PPP2R2B: variants seen among roughly 807,000 people sequenced by gnomAD.
The protein encoded by PPP2R2B is serine/threonine-protein phosphatase 2A 55 kDa regulatory subunit B beta isoform.
PPP2R2B carries 5 observed loss-of-function variants against 46.0 expected under a neutral mutation model. The observed-to-expected ratio is 0.11, with a 90% confidence interval of 0.06 to 0.23. The LOEUF is 0.23. Ranked by LOEUF, PPP2R2B falls within the 10% of genes least tolerant of loss-of-function variation. The pLI is 1.00. For synonymous variants in PPP2R2B, 215 were observed against 206.7 expected (o/e 1.04, Z -0.34); for missense variants, 367 against 575.0 (o/e 0.64, Z 3.70).
chr5:147,050,113 G>T (rs1756734022), intron 1 of PPP2R2B, among the ~76,000 whole-genome samples: 1 of 152,176 alleles, frequency 6.6e-6, no homozygotes, highest in African/African-American at 2.4e-5. Flanking sequence ...TAAAGTGGAG[G>T]CTTGGCCTTA....
At chr5:146,976,108 TTTATTA>T (rs143212984) in intron 1 of PPP2R2B, among the ~76,000 whole-genome samples, 6,621 of 130,496 alleles carry the variant, frequency 0.051, 253 homozygotes, top group East Asian at 0.2. Flanking sequence ...TTTTAAAAAA[TTTATTA>T]TTATTATTAT....
chr5:146,811,758 G>T (rs1332567055), intron 2 of PPP2R2B, among the ~76,000 whole-genome samples: 1 of 145,382 alleles, frequency 6.9e-6, no homozygotes, highest in African/African-American at 2.6e-5. Context: ...CAGTAGAGAC[G>T]GGGTTTCACC....
chr5:146,741,432 TG>T (rs1752870576), intron 2 of PPP2R2B, among the ~76,000 whole-genome samples: 2 of 152,212 alleles, frequency 1.3e-5, no homozygotes, highest in African/African-American at 2.4e-5. Flanking sequence ...CTGACAGTGC[TG>T]CATATTCATA....
intron 2 of PPP2R2B, among the ~76,000 whole-genome samples, chr5:146,794,532 G>A (rs931647443): frequency 6.6e-6 from 1 of 152,170 alleles, no homozygotes; most frequent in African/African-American, 2.4e-5. Context: ...GGGTTGCTAT[G>A]AATGCCCACT....
intron 1 of PPP2R2B, among the ~76,000 whole-genome samples, chr5:146,906,525 T>C (rs1763003201): frequency 6.6e-6 from 1 of 152,204 alleles, no homozygotes; most frequent in African/African-American, 2.4e-5. Context: ...TTTCTACATA[T>C]TGGTCAGACT....
Position 146,878,409 on chromosome 5 carries a change from G to A in PPP2R2B, c.-125+182C>T. On this transcript the variant is annotated intron_variant, in intron 1 of 9. Coordinates refer to ENST00000394411, the MANE Select transcript of PPP2R2B (RefSeq NM_181675.4). This position sits in a 1 kb window ranked among gnomAD's most constrained non-coding sequence, Gnocchi z 4.5. ...CCGAGGGGTCTGGTCCCGCCCGCCC[G>A]CCCCGGAGGCGCTCACAAGCGGGTC... 1.0e-6 allele frequency: 1 copy of A among 973,714 alleles called. No individual in the cohort carries two copies. 60.3% of individuals were successfully genotyped at this position (973,714 alleles called of 1,614,324 possible).
At chr5:146,888,715 C>T (rs1056361922) in intron 1 of PPP2R2B, among the ~76,000 whole-genome samples, 2 of 152,074 alleles carry the variant, frequency 1.3e-5, no homozygotes, top group African/African-American at 2.4e-5. Flanking sequence ...ATTTCACCTC[C>T]CCTCCCACCA....
Position 146,698,748 on chromosome 5 carries a change from CTTT to C in PPP2R2B, c.169-607_169-605del, listed in dbSNP as rs3217532. Among the ~76,000 whole-genome samples the C allele has an allele frequency of 4.9e-5, 7 of 143,158 alleles. No individual in the cohort carries two copies. In the South Asian group the frequency reaches 1.1e-3, roughly 23 times the overall value. The allele number at this position is 143,158 out of a possible 152,430, so 93.9% of individuals were successfully genotyped here. A position where few individuals can be genotyped will look rare whatever the true frequency, so the allele number is the denominator to read the frequency against. On this transcript the variant is annotated intron_variant, in intron 3 of 9. Transcript: ENST00000394411. ...TTGGGCATCAGATATGCCCCTGCTC[CTTT>C]TTTTTTTTTTTCTTTCCAACATGAG...
chr5:146,953,058 A>G (rs1411198455), intron 1 of PPP2R2B, among the ~76,000 whole-genome samples: 1 of 152,202 alleles, frequency 6.6e-6, no homozygotes, highest in African/African-American at 2.4e-5. Context: ...CTGGCTTCAC[A>G]AGCCAAAAGC....
At chr5:146,762,485 A>C (rs980364420) in intron 2 of PPP2R2B, among the ~76,000 whole-genome samples, 2 of 152,228 alleles carry the variant, frequency 1.3e-5, no homozygotes, top group Admixed American at 1.3e-4. Context: ...TACTCTTTCT[A>C]TTCAAGGTGC....
chr5:146,752,083 G>A lies in PPP2R2B; in HGVS notation c.71-50941C>T, dbSNP rs72813707. On this transcript the variant is annotated intron_variant, in intron 2 of 9. Transcript: ENST00000394411. Reference sequence around the variant, plus strand: ...ATTTGACTTACAGAGAACAGATGGTGGATAGAAATCTGTTACAAGTTTATT... The same window carrying A: ...ATTTGACTTACAGAGAACAGATGGTAGATAGAAATCTGTTACAAGTTTATT... Among the ~76,000 whole-genome samples, 913 of 152,180 alleles carry A rather than the reference G, an allele frequency of 6.0e-3. 9 individuals carry two copies. Among genetic ancestry groups the A allele is most frequent in the South Asian group, 0.034 (161 of 4,798 alleles).
chr5:146,723,459 G>A (rs979877227), intron 2 of PPP2R2B, among the ~76,000 whole-genome samples: 12 of 152,116 alleles, frequency 7.9e-5, no homozygotes, highest in African/African-American at 2.4e-4. Flanking sequence ...AAAATCTTAC[G>A]GAGTCCTAAA....
chr5:146,749,147 A>C (rs1176753707), intron 2 of PPP2R2B, among the ~76,000 whole-genome samples: 1 of 152,172 alleles, frequency 6.6e-6, no homozygotes, highest in Non-Finnish European at 1.5e-5. Flanking sequence ...GCATTTCCTT[A>C]ATGGCTGATA....
chr5:147,012,885 C>T (rs935088680), intron 1 of PPP2R2B, among the ~76,000 whole-genome samples: 22 of 152,184 alleles, frequency 1.4e-4, no homozygotes, highest in African/African-American at 4.6e-4. Flanking sequence ...TGCAGTTGAG[C>T]GGTTTTGAGT....
chr5:146,938,617 T>C (rs1282316151), intron 1 of PPP2R2B, among the ~76,000 whole-genome samples: 2 of 152,172 alleles, frequency 1.3e-5, no homozygotes, highest in Non-Finnish European at 2.9e-5. Context: ...TTACATTTCA[T>C]GTTTACATAG....
At chr5:146,641,493 G>A (rs1334245908) in intron 6 of PPP2R2B, among the ~76,000 whole-genome samples, 2 of 129,424 alleles carry the variant, frequency 1.5e-5, no homozygotes, top group East Asian at 2.3e-4. Flanking sequence ...GAATTTTTAT[G>A]TGCTCTAAGA....
rs536799528 is a variant in PPP2R2B at position 146,999,956 on chromosome 5, C to A, written c.79+55709G>T. Among the ~76,000 whole-genome samples, 5 of 152,280 alleles carry A rather than the reference C, an allele frequency of 3.3e-5. No homozygotes were observed. In the East Asian group the frequency reaches 9.7e-4, roughly 29 times the overall value. ...TGTTCAAATACAGATTGCTGGGCTC[C>A]ACCCTCAGCCTCTGATGGATGAGGA... On this transcript the variant is annotated intron_variant, in intron 1 of 8. Transcript: ENST00000336640.
intron 7 of PPP2R2B, among the ~76,000 whole-genome samples, chr5:146,632,061 G>GCCCCCCCCCCCCC (rs58956274): frequency 9.6e-6 from 1 of 103,998 alleles, no homozygotes; most frequent in Non-Finnish European, 2.0e-5. Flanking sequence ...GCTGAGTTGT[G>GCCCCCCCCCCCCC]CCCCCCCCCC....
intron 1 of PPP2R2B, among the ~76,000 whole-genome samples, chr5:146,971,560 A>G (rs1482787707): frequency 2.0e-5 from 3 of 152,218 alleles, no homozygotes. Context: ...TATGATGAAT[A>G]ATCTTGTATA....
Sources: allele counts gnomAD v4.1 joint callset (sites outside exome capture counted in the v4.1 genomes callset), GRCh38; gene constraint gnomAD v4.1.1; non-coding constraint Gnocchi (gnomAD v3.1); transcripts MANE v1.5; gene names NCBI Gene and HGNC (gene_info 2026-07-23, HGNC 2026-07-21).